The following DNAJC15 variants were observed in gnomAD, a reference collection of about 807,000 sequenced individuals.
DNAJC15 encodes DnaJ heat shock protein family (Hsp40) member C15.
A neutral mutation model predicts 22.4 loss-of-function variants in DNAJC15; 27 were observed. The ratio of observed to expected loss-of-function variants is 1.20; its 90% CI spans 0.89 to 1.66. The LOEUF (loss-of-function observed/expected upper bound fraction) is 1.66. Among genes scored for constraint, DNAJC15 ranks in the 40% most tolerant of loss-of-function variants. DNAJC15 has a pLI of 0.00. For synonymous variants in DNAJC15, 79 were observed against 63.2 expected (o/e 1.25, Z -1.19); for missense variants, 208 against 187.1 (o/e 1.11, Z -0.65).
intron 2 of DNAJC15, among the ~76,000 whole-genome samples, chr13:43,067,535 G>T (rs963712691): frequency 1.5e-4 from 23 of 152,070 alleles, no homozygotes; most frequent in African/African-American, 5.3e-4. Flanking sequence ...TTTTTCCAGG[G>T]TCGTCTTTGT....
At chr13:43,083,755 T>A (rs911115821) in intron 4 of DNAJC15, among the ~76,000 whole-genome samples, 1 of 152,236 alleles carries the variant, frequency 6.6e-6, no homozygotes, top group Non-Finnish European at 1.5e-5. Flanking sequence ...TGTTTAACAG[T>A]TATTTTCTCA....
chr13:43,054,967 C>T (rs540837099), intron 1 of DNAJC15, among the ~76,000 whole-genome samples: 32 of 152,116 alleles, frequency 2.1e-4, no homozygotes, highest in African/African-American at 7.2e-4. Context: ...GGGGAGTCTC[C>T]TGGGTAATCA....
intron 1 of DNAJC15, among the ~76,000 whole-genome samples, chr13:43,064,259 G>A (rs1000928879): frequency 1.2e-4 from 19 of 152,160 alleles, no homozygotes; most frequent in African/African-American, 3.1e-4. Flanking sequence ...ACCTTCATGC[G>A]GCTGCCCTTG....
chr13:43,045,547 A>G (rs895370839), intron 1 of DNAJC15, among the ~76,000 whole-genome samples: 15 of 152,210 alleles, frequency 9.9e-5, no homozygotes, highest in African/African-American at 3.6e-4. Context: ...AGAGTGAAAC[A>G]GAACAGAGCA....
chr13:43,099,151 A>G (rs192727501), intron 5 of DNAJC15, among the ~76,000 whole-genome samples: 1 of 152,172 alleles, frequency 6.6e-6, no homozygotes, highest in East Asian at 1.9e-4. Context: ...TTTTAATGCT[A>G]TTGTGAATGG....
intron 3 of DNAJC15, among the ~76,000 whole-genome samples, chr13:43,075,737 A>G (rs1250909175): frequency 6.6e-6 from 1 of 152,114 alleles, no homozygotes; most frequent in East Asian, 1.9e-4. Context: ...CTCACAGCTC[A>G]CTGCAACCTC....
chr13:43,024,053 A>T (rs9594864), intron 1 of DNAJC15, among the ~76,000 whole-genome samples: 41,713 of 151,970 alleles, frequency 0.27, 6,009 homozygotes, highest in African/African-American at 0.39. Flanking sequence ...GAGGCCCTAA[A>T]AACGTCTTGC....
At chr13:43,106,373 G>C (rs1031032939) in intron 5 of DNAJC15, among the ~76,000 whole-genome samples, 1 of 152,098 alleles carries the variant, frequency 6.6e-6, no homozygotes, top group Non-Finnish European at 1.5e-5. Context: ...ACAGTTTGGT[G>C]CTAGTATTTT....
intron 1 of DNAJC15, among the ~76,000 whole-genome samples, chr13:43,061,712 C>T (rs1298577168): frequency 2.0e-5 from 3 of 152,184 alleles, no homozygotes; most frequent in Non-Finnish European, 4.4e-5. Context: ...GTATTCAGAG[C>T]GAGAACTCAC....
chr13:43,034,235 T>C (rs1566199838), intron 1 of DNAJC15, among the ~76,000 whole-genome samples: 1 of 143,722 alleles, frequency 7.0e-6, no homozygotes, highest in African/African-American at 2.9e-5. Context: ...TAGAGAGTTA[T>C]GCTCTCCACT....
At position 43,110,494 on chromosome 13, in the gene DNAJC15, C is replaced by T. The variant is rs909891450; in HGVS notation, c.*3246C>T. On this transcript the variant is annotated 3_prime_UTR_variant, in exon 6 of 6. Transcript: ENST00000379221. ...CCCCCTTGAGTCTGTGAAGGCATTA[C>T]TTAAGAACAAAGTCAGGCATGTATA... The T allele has an allele frequency of 2.0e-5, 3 of 152,136 alleles. No homozygotes were observed. The highest frequency in any genetic ancestry group is 7.2e-5 in the African/African-American group (3 of 41,422). 9.4% of individuals were successfully genotyped at this position (152,136 alleles called of 1,614,324 possible).
intron 5 of DNAJC15, among the ~76,000 whole-genome samples, chr13:43,094,314 C>G (rs2153441972): frequency 6.6e-6 from 1 of 152,272 alleles, no homozygotes; most frequent in African/African-American, 2.4e-5. Flanking sequence ...GATGTGGTCC[C>G]CACACTGTCA....
intron 4 of DNAJC15, among the ~76,000 whole-genome samples, chr13:43,082,750 G>A (rs1323501582): frequency 2.0e-5 from 3 of 152,056 alleles, no homozygotes; most frequent in East Asian, 3.9e-4. Context: ...TTCAGATTTT[G>A]TATTATGTGC....
At chr13:43,052,722 C>T (rs2040511185) in intron 1 of DNAJC15, among the ~76,000 whole-genome samples, 1 of 152,106 alleles carries the variant, frequency 6.6e-6, no homozygotes, top group Non-Finnish European at 1.5e-5. Flanking sequence ...CGGCCATTAG[C>T]ATAATTTTTG....
Position 43,109,849 on chromosome 13 carries a change from TAAAGTATAATAA to T in DNAJC15, c.*2606_*2617del, listed in dbSNP as rs1404719867. Reference sequence around the variant, plus strand: ...CGTTGTGCACATGTGCCCTAGAACTTAAAGTATAATAAAAAGAAATTTTAAAAAATCCTGTCA... The same window carrying T: ...CGTTGTGCACATGTGCCCTAGAACTTAAAGAAATTTTAAAAAATCCTGTCA... On this transcript the variant is annotated 3_prime_UTR_variant, in exon 6 of 6. Transcript: ENST00000379221. The T allele has an allele frequency of 1.4e-5, 2 of 143,634 alleles. No individual in the cohort carries two copies. The highest frequency in any genetic ancestry group is 3.9e-4 in the East Asian group (2 of 5,162). 8.9% of individuals were successfully genotyped at this position (143,634 alleles called of 1,614,324 possible).
intron 3 of DNAJC15, among the ~76,000 whole-genome samples, chr13:43,069,948 A>G (rs2040601022): frequency 6.6e-6 from 1 of 152,026 alleles, no homozygotes. Context: ...TACCAGAAAG[A>G]CTGTCATTTT....
At chr13:43,045,389 G>A (rs893642219) in intron 1 of DNAJC15, among the ~76,000 whole-genome samples, 5 of 152,158 alleles carry the variant, frequency 3.3e-5, no homozygotes, top group African/African-American at 1.2e-4. Context: ...GGGAGCATCG[G>A]CAAGCTACTG....
chr13:43,059,105 C>T (rs1374882925), intron 1 of DNAJC15, among the ~76,000 whole-genome samples: 1 of 152,158 alleles, frequency 6.6e-6, no homozygotes, highest in East Asian at 1.9e-4. Flanking sequence ...TGTTTCTGCA[C>T]GTCCGAGTGG....
intron 5 of DNAJC15, among the ~76,000 whole-genome samples, chr13:43,088,973 T>A (rs576095660): frequency 1.3e-5 from 2 of 152,298 alleles, no homozygotes; most frequent in South Asian, 4.1e-4. Flanking sequence ...AATTTTGTTT[T>A]ATGCATTGAT....
Sources: gnomAD v4.1 joint callset for allele counts (sites outside exome capture counted in the v4.1 genomes callset) on GRCh38, gnomAD v4.1.1 for gene constraint, MANE v1.5 for transcripts, NCBI Gene and HGNC (gene_info 2026-07-23, HGNC 2026-07-21) for gene names.